The following FER variants were observed in gnomAD, a reference collection of about 807,000 sequenced individuals.
FER encodes tyrosine-protein kinase Fer.
In FER, 63 loss-of-function variants were observed where a neutral mutation model predicts 111.0. The observed-to-expected ratio is 0.57, with a 90% CI of 0.46 to 0.70. The LOEUF (loss-of-function observed/expected upper bound fraction) is 0.70. Among genes scored for constraint, FER ranks in the 30% least tolerant of loss-of-function variants. The pLI is 0.00. For synonymous variants in FER, 327 were observed against 313.9 expected (o/e 1.04, Z -0.44); for missense variants, 914 against 954.0 (o/e 0.96, Z 0.55).
intron 10 of FER, among the ~76,000 whole-genome samples, chr5:108,938,039 C>T (rs901846415): frequency 2.7e-5 from 3 of 111,084 alleles, no homozygotes; most frequent in Non-Finnish European, 6.2e-5. Context: ...CACACACACA[C>T]ACACACACAC....
intron 17 of FER, among the ~76,000 whole-genome samples, chr5:109,101,969 C>T (rs1371264511): frequency 6.6e-6 from 1 of 152,070 alleles, no homozygotes; most frequent in African/African-American, 2.4e-5. Context: ...ATTATTGAAA[C>T]TTTTTTTAAT....
At chr5:109,026,983 A>T (rs779552232) in intron 13 of FER, among the ~76,000 whole-genome samples, 1 of 152,096 alleles carries the variant, frequency 6.6e-6, no homozygotes, top group Non-Finnish European at 1.5e-5. Flanking sequence ...CCGGCTAATT[A>T]TTCTTTCTAA....
At chr5:109,140,811 G>A (rs1472452374) in intron 17 of FER, among the ~76,000 whole-genome samples, 1 of 152,104 alleles carries the variant, frequency 6.6e-6, no homozygotes, top group Non-Finnish European at 1.5e-5. Flanking sequence ...AATTGGGAGG[G>A]AAGAGATTGT....
At position 108,817,103 on chromosome 5, in the gene FER, CAAAAAAAAAAAA is replaced by C. The variant is rs70999913; in HGVS notation, c.208-15644_208-15633del. ...TGGGCAACAGAGCAAGACACTGTCT[CAAAAAAAAAAAA>C]AAAAAAAAAAAAAAAAAAAAAAGCT... On this transcript the variant is annotated intron_variant, in intron 3 of 19. Coordinates refer to ENST00000281092, the MANE Select transcript of FER (RefSeq NM_005246.4). 1.4e-3 allele frequency among the ~76,000 whole-genome samples: 80 copies of C among 59,204 alleles called. 1 individual carries two copies. The highest frequency in any genetic ancestry group is 4.1e-3 in the African/African-American group (65 of 15,918). 38.8% of individuals were successfully genotyped at this position (59,204 alleles called of 152,430 possible).
chr5:108,896,357 TACTA>T lies in FER; in HGVS notation c.1047-1296_1047-1293del, dbSNP rs1252356299. 3.3e-5 allele frequency among the ~76,000 whole-genome samples: 5 copies of T among 152,274 alleles called. No individual in the cohort carries two copies. In the East Asian group the frequency reaches 5.8e-4, roughly 18 times the overall value. Reference sequence around the variant, plus strand: ...TGTCAATTTATTATTAAAAAGAAGATACTAACTAATAAATAAACCAGCATGAACT... The same window carrying T: ...TGTCAATTTATTATTAAAAAGAAGATACTAATAAATAAACCAGCATGAACT... On this transcript the variant is annotated intron_variant, in intron 9 of 19. Coordinates refer to ENST00000281092, the MANE Select transcript of FER (RefSeq NM_005246.4).
At chr5:109,183,293 G>A (rs1758486841) in intron 18 of FER, among the ~76,000 whole-genome samples, 1 of 128,734 alleles carries the variant, frequency 7.8e-6, no homozygotes, top group Non-Finnish European at 1.6e-5. Flanking sequence ...CTGTTGCCCA[G>A]GCTGGAGCGC....
intron 13 of FER, among the ~76,000 whole-genome samples, chr5:108,981,987 G>C (rs1236001484): frequency 6.6e-6 from 1 of 152,088 alleles, no homozygotes; most frequent in East Asian, 1.9e-4. Context: ...TGGGAAACAT[G>C]AGTACTTTCC....
chr5:109,123,182 G>C (rs1405548495), intron 17 of FER, among the ~76,000 whole-genome samples: 1 of 140,370 alleles, frequency 7.1e-6, no homozygotes, highest in African/African-American at 2.7e-5. Flanking sequence ...TTGAGACGGA[G>C]TCTCACTCTG....
chr5:108,864,887 C>G (rs1285491418), intron 5 of FER, among the ~76,000 whole-genome samples: 1 of 151,794 alleles, frequency 6.6e-6, no homozygotes, highest in Non-Finnish European at 1.5e-5. Flanking sequence ...TTTTCCAATT[C>G]TTTGAAGAAA....
chr5:109,126,807 T>G (rs2126542317), intron 17 of FER, among the ~76,000 whole-genome samples: 1 of 152,330 alleles, frequency 6.6e-6, no homozygotes, highest in Non-Finnish European at 1.5e-5. Context: ...CTTTGATAAA[T>G]GCTGTGATAG....
intron 17 of FER, among the ~76,000 whole-genome samples, chr5:109,165,608 G>A (rs1475775255): frequency 7.1e-6 from 1 of 140,626 alleles, no homozygotes; most frequent in Admixed American, 6.9e-5. Context: ...GTGTGTGTGT[G>A]TGTGTGTGTG....
intron 17 of FER, among the ~76,000 whole-genome samples, chr5:109,173,701 A>G (rs1361514468): frequency 6.6e-6 from 1 of 151,974 alleles, no homozygotes; most frequent in Non-Finnish European, 1.5e-5. Flanking sequence ...TGTCTATTCA[A>G]TTATCTATTC....
chr5:109,147,796 T>TAGAG (rs1214557161), intron 17 of FER, among the ~76,000 whole-genome samples: 103 of 118,038 alleles, frequency 8.7e-4, no homozygotes, highest in African/African-American at 2.7e-3. Flanking sequence ...TATATATATA[T>TAGAG]ATATAGAGAG....
At chr5:108,836,780 C>T (rs1760708666) in intron 5 of FER, among the ~76,000 whole-genome samples, 1 of 151,654 alleles carries the variant, frequency 6.6e-6, no homozygotes, top group Non-Finnish European at 1.5e-5. Flanking sequence ...TCTTTCTCTT[C>T]TCCTTCCTTT....
At chr5:108,951,843 C>T (rs1757798201) in intron 11 of FER, among the ~76,000 whole-genome samples, 1 of 152,020 alleles carries the variant, frequency 6.6e-6, no homozygotes, top group Non-Finnish European at 1.5e-5. Flanking sequence ...TACTCAAATG[C>T]TTGAGTAAAG....
intron 13 of FER, among the ~76,000 whole-genome samples, chr5:108,982,893 T>A (rs767458748): frequency 6.6e-6 from 1 of 152,050 alleles, no homozygotes; most frequent in Non-Finnish European, 1.5e-5. Context: ...CATTTTCTCA[T>A]CCATAAAATG....
At chr5:109,142,447 A>AT (rs758611648) in intron 17 of FER, among the ~76,000 whole-genome samples, 7 of 152,188 alleles carry the variant, frequency 4.6e-5, no homozygotes, top group Non-Finnish European at 8.8e-5. Context: ...CATCTGGAAA[A>AT]TTTTCATCAA....
At chr5:109,066,321 A>G (rs921646030) in intron 16 of FER, among the ~76,000 whole-genome samples, 3 of 152,182 alleles carry the variant, frequency 2.0e-5, no homozygotes, top group African/African-American at 4.8e-5. Flanking sequence ...CCATTTGTTG[A>G]ATAGGATGAG....
At chr5:109,125,062 AAAG>A in intron 17 of FER, among the ~76,000 whole-genome samples, 1 of 151,700 alleles carries the variant, frequency 6.6e-6, no homozygotes, top group East Asian at 1.9e-4. Flanking sequence ...AAAAAAAAAA[AAAG>A]AAGAAAGATA....
Sources: allele counts gnomAD v4.1 joint callset (sites outside exome capture counted in the v4.1 genomes callset), GRCh38; gene constraint gnomAD v4.1.1; transcripts MANE v1.5; gene names NCBI Gene and HGNC (gene_info 2026-07-23, HGNC 2026-07-21).